Variants in WWOX observed in about 807,000 individuals in gnomAD.
WWOX encodes WW domain containing oxidoreductase.
A neutral mutation model predicts 46.2 loss-of-function variants in WWOX; 69 were observed. The observed-to-expected ratio is 1.49, with a 90% CI of 1.23 to 1.82. The LOEUF (loss-of-function observed/expected upper bound fraction) is 1.82. WWOX is among the 40% of genes most tolerant of loss of function. The pLI, the probability that WWOX is intolerant of heterozygous loss-of-function variation, is 0.00. For missense variants in WWOX, 919 were observed against 542.6 expected (o/e 1.69, Z -6.89); for synonymous variants, 359 against 202.6 (o/e 1.77, Z -6.56).
In WWOX at chr16:78,316,119, C is replaced by T. The variant is rs540129750; in HGVS notation, c.517-70741C>T. On this transcript the variant is annotated intron_variant, in intron 5 of 8. Coordinates refer to ENST00000566780, the MANE Select transcript of WWOX (RefSeq NM_016373.4). ...AAAAAATCAGGCATGTTAGCATGCA[C>T]CTGTGGTCCCAGCTACTTGGGAGGC... 6.6e-5 allele frequency among the ~76,000 whole-genome samples: 10 copies of T among 152,082 alleles called. No individual in the cohort carries two copies. In the South Asian group the frequency reaches 1.2e-3, roughly 19 times the overall value.
chr16:78,415,338 G>A (rs2082774277), intron 6 of WWOX, among the ~76,000 whole-genome samples: 2 of 152,046 alleles, frequency 1.3e-5, no homozygotes, highest in African/African-American at 4.8e-5. Context: ...ATGACCAAAT[G>A]TCGTTGCCAT....
At chr16:79,040,007 A>T (rs572741441) in intron 8 of WWOX, among the ~76,000 whole-genome samples, 1 of 152,292 alleles carries the variant, frequency 6.6e-6, no homozygotes, top group Admixed American at 6.5e-5. Flanking sequence ...TGGCAGTTAC[A>T]CTACCAGTTG....
chr16:78,230,948 G>A (rs773870885), intron 5 of WWOX, among the ~76,000 whole-genome samples: 1 of 152,230 alleles, frequency 6.6e-6, no homozygotes, highest in African/African-American at 2.4e-5. Context: ...ATTGCTTTGA[G>A]GCAATGGATT....
intron 5 of WWOX, among the ~76,000 whole-genome samples, chr16:78,223,498 T>C (rs1430619426): frequency 2.0e-5 from 3 of 152,122 alleles, no homozygotes; most frequent in African/African-American, 7.2e-5. Flanking sequence ...CTTGAGCTCC[T>C]ACCAAGTGGA....
At chr16:79,174,398 C>G (rs1297928959) in intron 8 of WWOX, among the ~76,000 whole-genome samples, 1 of 152,182 alleles carries the variant, frequency 6.6e-6, no homozygotes, top group Admixed American at 6.5e-5. Context: ...CCTGTAATCC[C>G]AGCTCTTTGG....
intron 8 of WWOX, among the ~76,000 whole-genome samples, chr16:78,770,372 C>G (rs1215262623): frequency 2.0e-5 from 3 of 152,088 alleles, no homozygotes; most frequent in East Asian, 1.9e-4. Flanking sequence ...AAATTTAACT[C>G]TAAAGAATCC....
chr16:78,283,967 C>T lies in WWOX; in HGVS notation c.517-102893C>T, dbSNP rs567607212. Among the ~76,000 whole-genome samples the T allele has an allele frequency of 3.6e-4, 55 of 152,272 alleles. 1 individual carries two copies. Among genetic ancestry groups the T allele is most frequent in the Non-Finnish European group, 6.0e-4 (41 of 68,028 alleles). On this transcript the variant is annotated intron_variant, in intron 5 of 8. Coordinates refer to ENST00000566780, the MANE Select transcript of WWOX (RefSeq NM_016373.4). The stretch of plus-strand genomic sequence containing the variant: ...CTCACCTCTGAAGGGTACAGTAACC[C>T]ATTAATATCACGTCATGATGAATTA...
intron 8 of WWOX, among the ~76,000 whole-genome samples, chr16:78,781,878 A>C (rs2050335182): frequency 6.6e-6 from 1 of 152,184 alleles, no homozygotes. Context: ...TTGAACACTT[A>C]TTTGCTCCAT....
intron 5 of WWOX, among the ~76,000 whole-genome samples, chr16:78,190,826 A>G (rs1422045614): frequency 6.6e-6 from 1 of 152,160 alleles, no homozygotes; most frequent in Non-Finnish European, 1.5e-5. Flanking sequence ...ATAATGGAGA[A>G]TGCTGGACAG....
At chr16:78,906,790 C>G (rs1177743937) in intron 8 of WWOX, among the ~76,000 whole-genome samples, 14 of 152,214 alleles carry the variant, frequency 9.2e-5, no homozygotes, top group Non-Finnish European at 1.3e-4. Flanking sequence ...TCTTCTGACC[C>G]TTTATCACCC....
chr16:78,598,926 C>A (rs1362793724), intron 8 of WWOX, among the ~76,000 whole-genome samples: 1 of 152,288 alleles, frequency 6.6e-6, no homozygotes, highest in Non-Finnish European at 1.5e-5. Flanking sequence ...ATTCCCGCCT[C>A]TCAACAGGGA....
At chr16:78,669,440 G>T (rs562503738) in intron 8 of WWOX, among the ~76,000 whole-genome samples, 1 of 152,310 alleles carries the variant, frequency 6.6e-6, no homozygotes, top group East Asian at 1.9e-4. Flanking sequence ...TTTTTTAGTT[G>T]TCAGAACTGG....
intron 8 of WWOX, among the ~76,000 whole-genome samples, chr16:78,888,471 G>A (rs2044515717): frequency 1.3e-5 from 2 of 152,156 alleles, no homozygotes; most frequent in African/African-American, 4.8e-5. Flanking sequence ...TCCACTAGGT[G>A]CTATTAGCTG....
intron 8 of WWOX, among the ~76,000 whole-genome samples, chr16:78,488,234 T>A (rs1278258652): frequency 1.3e-5 from 2 of 152,182 alleles, no homozygotes; most frequent in Admixed American, 6.5e-5. Flanking sequence ...ACGCTGGAAG[T>A]TGGCATAGTC....
intron 8 of WWOX, among the ~76,000 whole-genome samples, chr16:79,128,246 C>G (rs898929657): frequency 1.3e-5 from 2 of 152,138 alleles, no homozygotes; most frequent in Non-Finnish European, 1.5e-5. Flanking sequence ...TACTCCTGAT[C>G]CCATTGGAGA....
intron 8 of WWOX, among the ~76,000 whole-genome samples, chr16:78,519,021 C>G (rs972488907): frequency 6.6e-6 from 1 of 152,164 alleles, no homozygotes; most frequent in African/African-American, 2.4e-5. Flanking sequence ...GTGGATAGGT[C>G]TAGTTTTTGT....
intron 8 of WWOX, among the ~76,000 whole-genome samples, chr16:78,858,581 A>T (rs2052625404): frequency 6.6e-6 from 1 of 152,062 alleles, no homozygotes; most frequent in African/African-American, 2.4e-5. Flanking sequence ...AACTTCTATC[A>T]CCAGCACGGA....
At chr16:78,108,556 G>A (rs1303875294) in intron 2 of WWOX, 69 bp downstream of exon 2, 2 of 1,540,008 alleles carry the variant, frequency 1.3e-6, no homozygotes, top group Non-Finnish European at 1.8e-6. Flanking sequence ...CACTGGCAGA[G>A]AGGTGACAGG....
At position 78,964,135 on chromosome 16, in the gene WWOX, C is replaced by T. The variant is rs974964605; in HGVS notation, c.1057-247473C>T. On this transcript the variant is annotated intron_variant, in intron 8 of 8. Transcript: ENST00000566780. ...ATGGACTAATACAGTGAATTGGTAC[C>T]AGTAGAGTGGGGCATTGCTGAAAAG... Among the ~76,000 whole-genome samples, 7 of 152,104 alleles carry T rather than the reference C, an allele frequency of 4.6e-5. No individual in the cohort carries two copies. In the South Asian group the frequency reaches 1.4e-3, roughly 31 times the overall value.
Sources: gnomAD v4.1 joint callset for allele counts (sites outside exome capture counted in the v4.1 genomes callset) on GRCh38, gnomAD v4.1.1 for gene constraint, MANE v1.5 for transcripts, NCBI Gene and HGNC (gene_info 2026-07-23, HGNC 2026-07-21) for gene names.